CDC42SE2: variants seen among roughly 807,000 people sequenced by gnomAD.
The protein encoded by CDC42SE2 is CDC42 small effector 2.
Under a neutral mutation model 11.5 loss-of-function variants are expected in CDC42SE2, and 3 were observed. The observed-to-expected ratio is 0.26, with a 90% CI of 0.12 to 0.67. The LOEUF is 0.67. Among genes scored for constraint, CDC42SE2 ranks in the 30% least tolerant of loss-of-function variants. The probability of loss-of-function intolerance (pLI) is 0.80; values close to 1 mark genes in which losing one functional copy is unlikely to be tolerated. For missense variants in CDC42SE2, 82 were observed against 106.8 expected, an observed-to-expected ratio of 0.77 and a Z score of 1.02; for synonymous variants, 33 against 34.8, an observed-to-expected ratio of 0.95 and a Z score of 0.18.
At chr5:131,216,513 A>AAACAAAC in the CDC42SE2 span, among the ~76,000 whole-genome samples, 31 of 148,146 alleles carry the variant, frequency 2.1e-4, no homozygotes, top group African/African-American at 7.2e-4. Flanking sequence ...AAAAAAAAAA[A>AAACAAAC]AAAAAAAAAC....
At chr5:131,308,147 T>G (rs1314413191) in intron 1 of CDC42SE2, among the ~76,000 whole-genome samples, 1 of 152,206 alleles carries the variant, frequency 6.6e-6, no homozygotes, top group Non-Finnish European at 1.5e-5. Flanking sequence ...GGATCCAGTT[T>G]CAGCTTTCTA....
the CDC42SE2 span, among the ~76,000 whole-genome samples, chr5:131,216,262 A>C: frequency 0.26 from 40,173 of 151,972 alleles, 7,389 homozygotes; most frequent in African/African-American, 0.53. Flanking sequence ...TTTGGGAGGC[A>C]GAGGTGAGTG....
intron 1 of CDC42SE2, among the ~76,000 whole-genome samples, chr5:131,271,156 G>C (rs1404383660): frequency 6.6e-6 from 1 of 152,214 alleles, no homozygotes; most frequent in East Asian, 1.9e-4. Context: ...CCTTTATCTT[G>C]CAGGTTCACT....
intron 2 of CDC42SE2, among the ~76,000 whole-genome samples, chr5:131,338,028 A>G (rs1348121934): frequency 1.3e-5 from 2 of 152,112 alleles, no homozygotes; most frequent in East Asian, 1.9e-4. Context: ...TGCAGAAATC[A>G]CCCATCTTCT....
the CDC42SE2 span, among the ~76,000 whole-genome samples, chr5:131,215,155 T>C: frequency 1.3e-5 from 2 of 152,112 alleles, no homozygotes; most frequent in Non-Finnish European, 2.9e-5. Context: ...CGGAGAAAAG[T>C]CCACCAAAGA....
intron 1 of CDC42SE2, among the ~76,000 whole-genome samples, chr5:131,302,753 G>A (rs1017889693): frequency 1.3e-4 from 19 of 151,830 alleles, no homozygotes; most frequent in South Asian, 2.1e-4. Flanking sequence ...AGAAAGTTGC[G>A]AAATTATTTA....
At chr5:131,263,902 T>C (rs1291933511), upstream of CDC42SE2, 3 of 152,008 alleles carry the variant, frequency 2.0e-5, no homozygotes, top group African/African-American at 7.3e-5. Context: ...ATGCCGGAGG[T>C]ACGGCGGGGG....
chr5:131,265,166 TTGA>T (rs200766047), intron 1 of CDC42SE2, among the ~76,000 whole-genome samples: 2,901 of 152,282 alleles, frequency 0.019, 42 homozygotes, highest in Middle Eastern at 0.078. Flanking sequence ...TAACATACTG[TTGA>T]TGAACAGTCC....
intron 3 of CDC42SE2, among the ~76,000 whole-genome samples, chr5:131,372,070 T>C (rs1194365705): frequency 6.6e-6 from 1 of 152,156 alleles, no homozygotes; most frequent in Non-Finnish European, 1.5e-5. Flanking sequence ...AACAGTTGGG[T>C]GATGTCTTCA....
At chr5:131,260,702 G>T (rs562071390), upstream of CDC42SE2, among the ~76,000 whole-genome samples, 2 of 151,872 alleles carry the variant, frequency 1.3e-5, no homozygotes, top group African/African-American at 4.8e-5. Flanking sequence ...GGGAGGCCGA[G>T]GCAGGCGGAT....
intron 1 of CDC42SE2, among the ~76,000 whole-genome samples, chr5:131,249,297 C>T (rs927297466): frequency 6.6e-6 from 1 of 151,470 alleles, no homozygotes; most frequent in Non-Finnish European, 1.5e-5. Context: ...GGATTACAGG[C>T]GTGAGCCACC....
At chr5:131,357,837 A>T (rs1295930095) in intron 2 of CDC42SE2, among the ~76,000 whole-genome samples, 1 of 152,046 alleles carries the variant, frequency 6.6e-6, no homozygotes, top group African/African-American at 2.4e-5. Context: ...TCTGATGTCT[A>T]CCCACACTAC....
upstream of CDC42SE2, among the ~76,000 whole-genome samples, chr5:131,261,858 CAAA>C (rs751406623): frequency 1.2e-4 from 7 of 60,412 alleles, no homozygotes; most frequent in Admixed American, 3.9e-4. Flanking sequence ...GACCCTGTCT[CAAA>C]AAAAAAAAAA....
chr5:131,325,437 A>G (rs1320668746), intron 2 of CDC42SE2, among the ~76,000 whole-genome samples: 1 of 151,998 alleles, frequency 6.6e-6, no homozygotes, highest in Non-Finnish European at 1.5e-5. Context: ...TGTGGATTTT[A>G]AAATTTGCGT....
At chr5:131,286,850 T>C (rs959680376) in intron 1 of CDC42SE2, among the ~76,000 whole-genome samples, 3 of 151,984 alleles carry the variant, frequency 2.0e-5, no homozygotes, top group African/African-American at 7.3e-5. Flanking sequence ...TTTCTGTTAA[T>C]GTAAGGCTCC....
At chr5:131,226,209 C>T in the CDC42SE2 span, among the ~76,000 whole-genome samples, 1 of 152,230 alleles carries the variant, frequency 6.6e-6, no homozygotes, top group Non-Finnish European at 1.5e-5. Flanking sequence ...GCTAATTGCT[C>T]ATGGTTGTCT....
chr5:131,374,479 C>T (rs1184560160), intron 3 of CDC42SE2, among the ~76,000 whole-genome samples: 5 of 137,318 alleles, frequency 3.6e-5, no homozygotes, highest in African/African-American at 5.5e-5. Context: ...TGCAGGGAGG[C>T]GAGATCGTGC....
At chr5:131,336,558 CAT>C (rs1758567683) in intron 2 of CDC42SE2, among the ~76,000 whole-genome samples, 1 of 152,208 alleles carries the variant, frequency 6.6e-6, no homozygotes, top group Non-Finnish European at 1.5e-5. Context: ...TAATATCCTG[CAT>C]AGTGTTTTCC....
intron 1 of CDC42SE2, among the ~76,000 whole-genome samples, chr5:131,304,191 C>T (rs1156711184): frequency 1.3e-5 from 2 of 151,710 alleles, no homozygotes; most frequent in Non-Finnish European, 2.9e-5. Context: ...TCTACATTGC[C>T]CAGGCTTGTC....
Sources: gnomAD v4.1 joint callset for allele counts (sites outside exome capture counted in the v4.1 genomes callset) on GRCh38, gnomAD v4.1.1 for gene constraint, MANE v1.5 for transcripts, NCBI Gene and HGNC (gene_info 2026-07-23, HGNC 2026-07-21) for gene names.